The following ZNF280B variants were observed in gnomAD, a reference collection of about 807,000 sequenced individuals.
ZNF280B encodes the protein suppressor of hairy wing homolog 2.
In ZNF280B, 16 loss-of-function variants were observed where a neutral mutation model predicts 38.0. The ratio of observed to expected loss-of-function variants is 0.42; its 90% CI spans 0.28 to 0.64. The LOEUF (loss-of-function observed/expected upper bound fraction) is 0.64, where lower values mean the gene tolerates loss of function less well. Among genes scored for constraint, ZNF280B ranks in the 30% least tolerant of loss-of-function variants. The probability of loss-of-function intolerance (pLI) is 0.21; values close to 1 mark genes in which losing one functional copy is unlikely to be tolerated. For missense variants in ZNF280B, 581 were observed against 639.6 expected (o/e 0.91, Z 0.99); for synonymous variants, 253 against 230.6 (o/e 1.10, Z -0.88).
chr22:22,506,406 TGTAATATATGCTGCCAATAGATCAAATA>T (rs1301306826), intron 2 of ZNF280B, among the ~76,000 whole-genome samples: 1 of 151,700 alleles, frequency 6.6e-6, no homozygotes, highest in Non-Finnish European at 1.5e-5. Context: ...GAAAAGGAAC[TGTAATATATGCTGCCAATAGATCAAATA>T]AAATCACGAA....
chr22:22,495,569 G>A (rs34998021), intron 2 of ZNF280B, among the ~76,000 whole-genome samples: 2 of 151,958 alleles, frequency 1.3e-5, no homozygotes, highest in African/African-American at 4.8e-5. Flanking sequence ...TAAGAGAATT[G>A]TAATTTTACG....
chr22:22,502,424 C>T (rs2061843959), intron 2 of ZNF280B, among the ~76,000 whole-genome samples: 1 of 151,894 alleles, frequency 6.6e-6, no homozygotes, highest in South Asian at 2.1e-4. Context: ...TATGACCCAA[C>T]AATATCACTC....
upstream of ZNF280B, chr22:22,508,804 A>G (rs2061995295): frequency 6.6e-6 from 1 of 151,838 alleles, no homozygotes; most frequent in African/African-American, 2.4e-5. Flanking sequence ...TCCAGTGGAG[A>G]CCTGCGATTG....
intron 2 of ZNF280B, among the ~76,000 whole-genome samples, chr22:22,499,411 T>C (rs1310121740): frequency 6.6e-6 from 1 of 151,688 alleles, no homozygotes; most frequent in Non-Finnish European, 1.5e-5. Flanking sequence ...ATTACAGGCA[T>C]GCGTCACCAC....
intron 2 of ZNF280B, among the ~76,000 whole-genome samples, 200 bp from the exon 3 acceptor site, chr22:22,494,380 G>C (rs1464460867): frequency 6.6e-6 from 1 of 151,850 alleles, no homozygotes; most frequent in African/African-American, 2.4e-5. Flanking sequence ...CAAGGATCAG[G>C]AACAAAGCTA....
At chr22:22,507,989 G>A (rs535660800) in intron 1 of ZNF280B, 119 bp from the exon 2 acceptor site, 1 of 151,874 alleles carries the variant, frequency 6.6e-6, no homozygotes, top group African/African-American at 2.4e-5. Flanking sequence ...CCAGATAAGT[G>A]AACTGAACTC....
chr22:22,494,850 C>A (rs1291257876), intron 2 of ZNF280B, among the ~76,000 whole-genome samples: 1 of 151,894 alleles, frequency 6.6e-6, no homozygotes, highest in Admixed American at 6.6e-5. Context: ...AGTTTTCCTG[C>A]CTGAGGAGCT....
In ZNF280B at chr22:22,487,809, T is replaced by C; in HGVS notation, c.1590A>G (p.Ser530=). 3 of 1,605,052 alleles carry C rather than the reference T, an allele frequency of 1.9e-6. No individual in the cohort carries two copies. The highest frequency in any genetic ancestry group is 2.5e-6 in the Non-Finnish European group (3 of 1,176,762). Residue 530 remains serine (S), a synonymous_variant, in exon 4 of 4, where the codon TCA becomes TCG. Coordinates refer to ENST00000626650, the MANE Select transcript of ZNF280B (RefSeq NM_080764.4). Reference sequence around the variant, plus strand: ...AAATTTTGCTTTTAGACCTGGGGAGTGATGGTTCAGAGTCAGATGTGCTCA... The same window carrying C: ...AAATTTTGCTTTTAGACCTGGGGAGCGATGGTTCAGAGTCAGATGTGCTCA... ...ITVSTSDSEP[S]LPRSKSKISK...
In ZNF280B at chr22:22,487,516, T is replaced by TCA. The variant is rs1176358434; in HGVS notation, c.*249_*250dup. ...ATAAATTAATACCTTTTTCTCTCTCTCACACACACACACAAACACCTTTTA... is the reference window on the plus strand; with the variant it reads ...ATAAATTAATACCTTTTTCTCTCTCTCACACACACACACACAAACACCTTTTA... On this transcript the variant is annotated 3_prime_UTR_variant, in exon 4 of 4. Coordinates refer to ENST00000626650, the MANE Select transcript of ZNF280B (RefSeq NM_080764.4). 110 of 317,078 alleles carry TCA rather than the reference T, an allele frequency of 3.5e-4. No homozygotes were observed. Among genetic ancestry groups the TCA allele is most frequent in the Admixed American group, 1.4e-3 (29 of 20,092 alleles). The allele number at this position is 317,078 out of a possible 1,614,324, so 19.6% of individuals were successfully genotyped here. A position where few individuals can be genotyped will look rare whatever the true frequency, so the allele number is the denominator to read the frequency against.
In ZNF280B at chr22:22,485,694, A is replaced by T. The variant is rs1238349698; in HGVS notation, c.*2073T>A. 1 of 151,872 alleles carries T rather than the reference A, an allele frequency of 6.6e-6. No individual in the cohort carries two copies. Among genetic ancestry groups the T allele is most frequent in the Non-Finnish European group, 1.5e-5 (1 of 67,992 alleles). 9.4% of individuals were successfully genotyped at this position (151,872 alleles called of 1,614,324 possible). ...GTGAAAGCTTAGGAAATTTAACTAG[A>T]TTGAGGAGGGAAGAAAGGAGTGGGG... On this transcript the variant is annotated 3_prime_UTR_variant, in exon 4 of 4. Coordinates refer to ENST00000626650, the MANE Select transcript of ZNF280B (RefSeq NM_080764.4).
rs1458827056 is a variant in ZNF280B, at chr22:22,485,445, A to G, written c.*2322T>C. ...AAAGGATTCAGGCTGTAATTTTAGC[A>G]AAGTGTCTTAACCCAAGCAACGTAA... On this transcript the variant is annotated 3_prime_UTR_variant, in exon 4 of 4. Transcript: ENST00000626650. 1 of 151,968 alleles carries G rather than the reference A, an allele frequency of 6.6e-6. No homozygotes were observed. The highest frequency in any genetic ancestry group is 1.5e-5 in the Non-Finnish European group (1 of 68,032). 9.4% of individuals were successfully genotyped at this position (151,968 alleles called of 1,614,324 possible).
At chr22:22,496,026 G>A (rs1395174597) in intron 2 of ZNF280B, among the ~76,000 whole-genome samples, 2 of 150,032 alleles carry the variant, frequency 1.3e-5, no homozygotes, top group African/African-American at 2.5e-5. Flanking sequence ...GGCTGGTCTC[G>A]AACCCCTGAC....
chr22:22,492,821 G>A (rs1423651618), intron 3 of ZNF280B, among the ~76,000 whole-genome samples: 16 of 151,144 alleles, frequency 1.1e-4, no homozygotes, highest in Admixed American at 1.1e-3. Flanking sequence ...AGGAGGCGGA[G>A]GTTGCAGTAA....
chr22:22,504,427 A>T (rs58449559), intron 2 of ZNF280B, among the ~76,000 whole-genome samples: 1 of 111,394 alleles, frequency 9.0e-6, no homozygotes, highest in African/African-American at 3.6e-5. Context: ...ACTCCGTCTG[A>T]AAAAAAAAAA....
chr22:22,488,883 T>G lies in ZNF280B; in HGVS notation c.516A>C (p.Ser172=). 6.2e-7 allele frequency: 1 copy of G among 1,613,754 alleles called. No homozygotes were observed. Among genetic ancestry groups the G allele is most frequent in the African/African-American group, 1.3e-5 (1 of 74,988 alleles). ...TTACTTCGAAAGTGGAAAGTTGCTT[T>G]GATACACGAGGACTTTCATTTATAC... is the stretch of plus-strand genomic sequence containing the variant. ...VGGINESPRV[S]KQLSTFEVNS... The change falls in exon 4 of 4, where the codon TCA becomes TCC. Residue 172 remains serine (S), a synonymous_variant. Transcript: ENST00000626650.
At chr22:22,496,811 T>G (rs1178263854) in intron 2 of ZNF280B, among the ~76,000 whole-genome samples, 1 of 148,004 alleles carries the variant, frequency 6.8e-6, no homozygotes, top group Non-Finnish European at 1.5e-5. Context: ...GTGAGTGGGA[T>G]CTACTCTTTT....
chr22:22,488,671 T>C lies in ZNF280B; in HGVS notation c.728A>G (p.Asn243Ser), dbSNP rs771817451. 14 of 1,613,792 alleles carry C rather than the reference T, an allele frequency of 8.7e-6. No homozygotes were observed. In the East Asian group the frequency reaches 1.3e-4, roughly 15 times the overall value. Residue 243 changes from asparagine (N) to serine (S), a missense_variant, in exon 4 of 4, where the codon AAT (asparagine) becomes AGT (serine). By Grantham distance (46) the Asn-to-Ser change is conservative (BLOSUM62 1). Coordinates refer to ENST00000626650, the MANE Select transcript of ZNF280B (RefSeq NM_080764.4). ...APFPAAFPKD[N>S]IHFKPINTNL... ...TGTATTTATAGGCTTGAAATGGATATTGTCCTTTGGAAAAGCTGCTGGAAA... is the reference window on the plus strand; with the variant it reads ...TGTATTTATAGGCTTGAAATGGATACTGTCCTTTGGAAAAGCTGCTGGAAA...
In ZNF280B at chr22:22,485,988, G is replaced by C. The variant is rs1465995015; in HGVS notation, c.*1779C>G. 6.6e-6 allele frequency: 1 copy of C among 151,988 alleles called. No homozygotes were observed. The highest frequency in any genetic ancestry group is 1.5e-5 in the Non-Finnish European group (1 of 68,048). The allele number at this position is 151,988 out of a possible 1,614,324, so 9.4% of individuals were successfully genotyped here. The stretch of plus-strand genomic sequence containing the variant: ...TACTGTGAAACAGCCCCTGGGGAGA[G>C]CAAGGGAAAAAGATTCACCCATAGT... On this transcript the variant is annotated 3_prime_UTR_variant, in exon 4 of 4. Transcript: ENST00000626650.
intron 3 of ZNF280B, among the ~76,000 whole-genome samples, chr22:22,493,776 C>T (rs919528165): frequency 2.0e-5 from 3 of 151,888 alleles, no homozygotes; most frequent in Non-Finnish European, 4.4e-5. Context: ...TAACACAACA[C>T]CACAAGATGG....
Sources: allele counts gnomAD v4.1 joint callset (sites outside exome capture counted in the v4.1 genomes callset), GRCh38; gene constraint gnomAD v4.1.1; transcripts MANE v1.5; gene names NCBI Gene and HGNC (gene_info 2026-07-23, HGNC 2026-07-21).